The following GSTCD variants were observed in gnomAD, a reference collection of about 807,000 sequenced individuals.
The protein encoded by GSTCD is glutathione S-transferase C-terminal domain containing, also known as glutathione S-transferase C-terminal domain-containing protein.
A neutral mutation model predicts 68.3 loss-of-function variants in GSTCD; 44 were observed. The ratio of observed to expected loss-of-function variants is 0.64; its 90% CI spans 0.51 to 0.83. GSTCD has a LOEUF of 0.83. GSTCD is among the 40% of genes least tolerant of loss of function. GSTCD has a pLI of 0.00. For synonymous variants in GSTCD, 273 were observed against 255.2 expected (o/e 1.07, Z -0.67); for missense variants, 739 against 735.9 (o/e 1.00, Z -0.05).
chr4:105,722,267 C>T (rs761931732), intron 3 of GSTCD, among the ~76,000 whole-genome samples: 1 of 152,036 alleles, frequency 6.6e-6, no homozygotes, highest in Non-Finnish European at 1.5e-5. Flanking sequence ...ATACCTCTTC[C>T]TGTGTTCCCA....
At chr4:105,758,116 G>T (rs56393694) in intron 5 of GSTCD, among the ~76,000 whole-genome samples, 2 of 152,068 alleles carry the variant, frequency 1.3e-5, no homozygotes, top group Non-Finnish European at 2.9e-5. Context: ...TAATATAACC[G>T]CTGATTTTTA....
intron 8 of GSTCD, among the ~76,000 whole-genome samples, chr4:105,828,200 G>T (rs1578516954): frequency 1.3e-5 from 2 of 151,912 alleles, no homozygotes; most frequent in Non-Finnish European, 1.5e-5. Flanking sequence ...TCTAGTTATT[G>T]GTATTTGCTT....
At chr4:105,771,837 T>G (rs1446456499) in intron 5 of GSTCD, among the ~76,000 whole-genome samples, 3 of 152,228 alleles carry the variant, frequency 2.0e-5, no homozygotes, top group African/African-American at 7.2e-5. Flanking sequence ...TGCTTAGGAT[T>G]GTCTTGGCTA....
At chr4:105,742,343 C>A (rs1466573449) in intron 5 of GSTCD, among the ~76,000 whole-genome samples, 25 of 152,196 alleles carry the variant, frequency 1.6e-4, no homozygotes, top group South Asian at 2.1e-4. Flanking sequence ...CTTGAATATT[C>A]TTCTTCCCAC....
At chr4:105,763,269 G>A (rs1382552200) in intron 5 of GSTCD, among the ~76,000 whole-genome samples, 1 of 152,092 alleles carries the variant, frequency 6.6e-6, no homozygotes, top group Non-Finnish European at 1.5e-5. Context: ...AAGTAAAAAG[G>A]CAAAGGAAAT....
intron 5 of GSTCD, among the ~76,000 whole-genome samples, chr4:105,769,233 G>GCGCGCACA (rs1553961423): frequency 2.1e-5 from 3 of 146,230 alleles, no homozygotes; most frequent in African/African-American, 7.6e-5. Context: ...ATACACGCGC[G>GCGCGCACA]CACACACACA....
At chr4:105,743,515 T>A (rs1257854477) in intron 5 of GSTCD, among the ~76,000 whole-genome samples, 2 of 152,064 alleles carry the variant, frequency 1.3e-5, no homozygotes, top group African/African-American at 4.8e-5. Flanking sequence ...TAATTGAGAT[T>A]TTTTAGTTTG....
intron 5 of GSTCD, among the ~76,000 whole-genome samples, chr4:105,802,602 G>A (rs1275872412): frequency 6.6e-6 from 1 of 151,646 alleles, no homozygotes; most frequent in East Asian, 1.9e-4. Flanking sequence ...ATATATTCTG[G>A]TCTTGTCTTC....
chr4:105,735,431 G>A (rs898229373), intron 5 of GSTCD, among the ~76,000 whole-genome samples: 1 of 152,182 alleles, frequency 6.6e-6, no homozygotes, highest in Non-Finnish European at 1.5e-5. Context: ...AGACTGCTGT[G>A]CTAGCAATGA....
intron 8 of GSTCD, among the ~76,000 whole-genome samples, chr4:105,830,370 A>G (rs1723844786): frequency 6.6e-6 from 1 of 152,196 alleles, no homozygotes; most frequent in Admixed American, 6.5e-5. Context: ...CTTCTAATCT[A>G]AAATTCTATA....
At chr4:105,709,179 A>G (rs1052107145) in intron 1 of GSTCD, 163 bp downstream of exon 1, 4 of 152,032 alleles carry the variant, frequency 2.6e-5, no homozygotes, top group Non-Finnish European at 5.9e-5. Context: ...GGCCGCCTCA[A>G]ACTCCTTTTT....
chr4:105,769,233 G>GCGCACACACACACACA (rs1553961423), intron 5 of GSTCD, among the ~76,000 whole-genome samples: 1 of 146,230 alleles, frequency 6.8e-6, no homozygotes, highest in African/African-American at 2.5e-5. Flanking sequence ...ATACACGCGC[G>GCGCACACACACACACA]CACACACACA....
intron 1 of GSTCD, 149 bp from the exon 2 acceptor site, chr4:105,717,444 A>G: frequency 1.9e-6 from 1 of 519,746 alleles, no homozygotes; most frequent in East Asian, 3.3e-5. Flanking sequence ...GAAGTCATTT[A>G]GTCAGTCTTC....
At position 105,847,122 on chromosome 4, in the gene GSTCD, C is replaced by T. The variant is rs531509811; in HGVS notation, c.*1545C>T. 1 of 152,268 alleles carries T rather than the reference C, an allele frequency of 6.6e-6. No homozygotes were observed. The highest frequency in any genetic ancestry group is 1.9e-4 in the East Asian group (1 of 5,184). The allele number at this position is 152,268 out of a possible 1,614,324, so 9.4% of individuals were successfully genotyped here. ...TTCTGCCAGCCAACATTTTAAAAGA[C>T]AAATGATGCATCCTTTCTCAATGCT... On this transcript the variant is annotated 3_prime_UTR_variant, in exon 12 of 12. Coordinates refer to ENST00000515279, the MANE Select transcript of GSTCD (RefSeq NM_001370181.1).
rs188932789 is a variant in GSTCD at position 105,798,208 on chromosome 4, T to G, written c.1241-24746T>G. Among the ~76,000 whole-genome samples, 6 of 152,214 alleles carry G rather than the reference T, an allele frequency of 3.9e-5. No homozygotes were observed. In the East Asian group the frequency reaches 1.2e-3, roughly 29 times the overall value. ...TTATCATGAGATTGCACCAATTCAG[T>G]CCCATCTTCAGGATCTACTTCTAAT... On this transcript the variant is annotated intron_variant, in intron 5 of 11. Coordinates refer to ENST00000515279, the MANE Select transcript of GSTCD (RefSeq NM_001370181.1).
At chr4:105,839,496 G>A (rs1284866786) in intron 10 of GSTCD, among the ~76,000 whole-genome samples, 1 of 152,124 alleles carries the variant, frequency 6.6e-6, no homozygotes, top group Non-Finnish European at 1.5e-5. Context: ...TTAGCTGGGT[G>A]TGGTGACACA....
At chr4:105,731,339 A>G (rs1733233096) in intron 5 of GSTCD, among the ~76,000 whole-genome samples, 3 of 152,096 alleles carry the variant, frequency 2.0e-5, no homozygotes, top group African/African-American at 4.8e-5. Context: ...CCATTTTCAC[A>G]ATATTGATTC....
intron 5 of GSTCD, among the ~76,000 whole-genome samples, chr4:105,790,524 C>T (rs1735624213): frequency 6.6e-6 from 1 of 151,838 alleles, no homozygotes; most frequent in South Asian, 2.1e-4. Flanking sequence ...GCCTGTAGCC[C>T]CAGCTACTCA....
intron 5 of GSTCD, among the ~76,000 whole-genome samples, chr4:105,773,617 C>A (rs1014842121): frequency 6.6e-6 from 1 of 152,132 alleles, no homozygotes; most frequent in African/African-American, 2.4e-5. Context: ...TCGTTATTTA[C>A]CCTGTAGTCA....
Sources: allele counts gnomAD v4.1 joint callset (sites outside exome capture counted in the v4.1 genomes callset), GRCh38; gene constraint gnomAD v4.1.1; transcripts MANE v1.5; gene names NCBI Gene and HGNC (gene_info 2026-07-23, HGNC 2026-07-21).